Variants in DHTKD1 observed in about 807,000 individuals in gnomAD.
The protein encoded by DHTKD1 is 2-oxoadipate dehydrogenase complex component E1.
In DHTKD1, 78 loss-of-function variants were observed where a neutral mutation model predicts 101.8. The ratio of observed to expected loss-of-function variants is 0.77; its 90% CI spans 0.64 to 0.93. The LOEUF (loss-of-function observed/expected upper bound fraction) is 0.93, where lower values mean the gene tolerates loss of function less well. Ranked by LOEUF, DHTKD1 falls within the 40% of genes least tolerant of loss-of-function variation. DHTKD1 has a pLI of 0.00. For missense variants in DHTKD1, 1,223 were observed against 1,161.7 expected (o/e 1.05, Z -0.77); for synonymous variants, 462 against 450.3 (o/e 1.03, Z -0.33).
Position 12,078,783 on chromosome 10 carries a change from G to A in DHTKD1, c.155-2689G>A, listed in dbSNP as rs540891673. Reference sequence around the variant, plus strand: ...CAATGTCTACTTCCCAGGTTCCAGCGATTCTCCTGCCTCAGCCTCCACAGG... The same window carrying A: ...CAATGTCTACTTCCCAGGTTCCAGCAATTCTCCTGCCTCAGCCTCCACAGG... On this transcript the variant is annotated intron_variant, in intron 1 of 16. Transcript: ENST00000263035. 1.8e-4 allele frequency among the ~76,000 whole-genome samples: 28 copies of A among 152,130 alleles called. No homozygotes were observed. The South Asian group carries it at 3.9e-3, about 21-fold the overall frequency.
intron 13 of DHTKD1, among the ~76,000 whole-genome samples, chr10:12,115,928 A>AT (rs762994821): frequency 0.046 from 6,106 of 133,136 alleles, 463 homozygotes; most frequent in African/African-American, 0.15. Flanking sequence ...ACACCCAGCA[A>AT]TTTTTTTTTT....
intron 10 of DHTKD1, among the ~76,000 whole-genome samples, chr10:12,105,463 G>A (rs1343048029): frequency 1.3e-5 from 2 of 151,998 alleles, no homozygotes; most frequent in South Asian, 2.1e-4. Context: ...CTACAGGCAT[G>A]TGCCACCATG....
chr10:12,110,916 C>T lies in DHTKD1; in HGVS notation c.2155-1984C>T, dbSNP rs1017045591. Among the ~76,000 whole-genome samples, 100 of 151,702 alleles carry T rather than the reference C, an allele frequency of 6.6e-4. No individual in the cohort carries two copies. Among genetic ancestry groups the T allele is most frequent in the African/African-American group, 2.2e-3 (92 of 41,382 alleles). ...AAAATTAGCTGGGTGGGTGGTGGTG[C>T]GTGCCCATAATCCTCACTACTTGGG... On this transcript the variant is annotated intron_variant, in intron 12 of 16. Coordinates refer to ENST00000263035, the MANE Select transcript of DHTKD1 (RefSeq NM_018706.7). The surrounding 1 kb of genome is among the most constrained non-coding windows in gnomAD (Gnocchi z 4.9).
At chr10:12,106,485 C>A in intron 11 of DHTKD1, 89 bp downstream of exon 11, 1 of 1,530,426 alleles carries the variant, frequency 6.5e-7, no homozygotes, top group Non-Finnish European at 9.0e-7. Flanking sequence ...GGGGCCACTG[C>A]TGCCTTGAGA....
At position 12,107,321 on chromosome 10, in the gene DHTKD1, G is replaced by A. The variant is rs756783302; in HGVS notation, c.2048-588G>A. 3.3e-5 allele frequency among the ~76,000 whole-genome samples: 5 copies of A among 151,832 alleles called. No individual in the cohort carries two copies. The highest frequency in any genetic ancestry group is 5.9e-5 in the Non-Finnish European group (4 of 67,948). ...CATTCTTGTAAGAGTGGTGCCTGCG[G>A]TGGTATTGGAGCGGCATGTGCTGTC... On this transcript the variant is annotated intron_variant, in intron 11 of 16. Transcript: ENST00000263035. This position sits in a 1 kb window ranked among gnomAD's most constrained non-coding sequence, Gnocchi z 4.1.
At position 12,094,272 on chromosome 10, in the gene DHTKD1, G is replaced by A. The variant is rs774089978; in HGVS notation, c.1358+1G>A. ...ACCCCATCATGTACAAAATCATCAG[G>A]TACAATTATAAACCCTTGTGTGATA... On this transcript the variant is annotated splice_donor_variant, in intron 7 of 16. Transcript: ENST00000263035. LOFTEE classifies it high-confidence loss of function. 1 of 1,613,490 alleles carries A rather than the reference G, an allele frequency of 6.2e-7. No homozygotes were observed. Among genetic ancestry groups the A allele is most frequent in the Non-Finnish European group, 8.5e-7 (1 of 1,179,558 alleles).
Position 12,112,922 on chromosome 10 carries a change from G to A in DHTKD1, c.2177G>A (p.Gly726Glu). 6.2e-7 allele frequency: 1 copy of A among 1,610,156 alleles called. No individual in the cohort carries two copies. Among genetic ancestry groups the A allele is most frequent in the Non-Finnish European group, 8.5e-7 (1 of 1,178,378 alleles). The change falls in exon 13 of 17, where the codon GGG (glycine) becomes GAG (glutamate). Residue 726 changes from glycine (G) to glutamate (E), a missense_variant. Transcript: ENST00000263035. ...CAGATGTGTGACAGTGCGGAAGAGG[G>A]GGTGGACGGAGACACTGTGAACATG... ...FLQMCDSAEE[G>E]VDGDTVNMFV... is the part of the protein sequence containing the mutation.
chr10:12,072,122 A>G (rs1264518078), intron 1 of DHTKD1, among the ~76,000 whole-genome samples: 2 of 152,146 alleles, frequency 1.3e-5, no homozygotes, highest in African/African-American at 2.4e-5. Flanking sequence ...ATAAATGTCT[A>G]CATAGGATGA....
Position 12,100,214 on chromosome 10 carries a change from G to T in DHTKD1, c.1708G>T (p.Asp570Tyr). The T allele has an allele frequency of 6.3e-7, 1 of 1,596,542 alleles. No individual in the cohort carries two copies. The highest frequency in any genetic ancestry group is 1.1e-5 in the South Asian group (1 of 88,846). ...GAAGATGATGGACGGAATCAAGCTA[G>T]ACTGGGCCACCGCGGAAGCTCTTGC... Reference protein sequence around the residue: ...MEKMMDGIKLDWATAEALALG... With the variant: ...MEKMMDGIKLYWATAEALALG... The change falls in exon 9 of 17, where the codon GAC (aspartate) becomes TAC (tyrosine). Residue 570 changes from aspartate (D) to tyrosine (Y), a missense_variant. Coordinates refer to ENST00000263035, the MANE Select transcript of DHTKD1 (RefSeq NM_018706.7).
intron 1 of DHTKD1, among the ~76,000 whole-genome samples, chr10:12,072,840 G>A (rs1030603273): frequency 6.6e-6 from 1 of 151,772 alleles, no homozygotes; most frequent in Non-Finnish European, 1.5e-5. Context: ...GGGTTCAAGT[G>A]ATTCTCCTGC....
Position 12,110,076 on chromosome 10 carries a change from A to T in DHTKD1, c.2154+2061A>T, listed in dbSNP as rs1588616993. On this transcript the variant is annotated intron_variant, in intron 12 of 16. Transcript: ENST00000263035. The surrounding 1 kb of genome is among the most constrained non-coding windows in gnomAD (Gnocchi z 4.9). ...CACTTTGGGAGGCCGAGGCGGGCGGATCATGAGGTCAGGAGATGAAGACCA... is the reference window on the plus strand; with the variant it reads ...CACTTTGGGAGGCCGAGGCGGGCGGTTCATGAGGTCAGGAGATGAAGACCA... Among the ~76,000 whole-genome samples, 1 of 152,124 alleles carries T rather than the reference A, an allele frequency of 6.6e-6. No individual in the cohort carries two copies. The highest frequency in any genetic ancestry group is 1.5e-5 in the Non-Finnish European group (1 of 68,012).
rs192185342 is a variant in DHTKD1, at chr10:12,099,508, G to C, written c.1672-670G>C. Among the ~76,000 whole-genome samples, 209 of 152,148 alleles carry C rather than the reference G, an allele frequency of 1.4e-3. 1 individual carries two copies. The highest frequency in any genetic ancestry group is 4.7e-3 in the African/African-American group (194 of 41,548). On this transcript the variant is annotated intron_variant, in intron 8 of 16. Coordinates refer to ENST00000263035, the MANE Select transcript of DHTKD1 (RefSeq NM_018706.7). Reference sequence around the variant, plus strand: ...TCAAGACCAGTCTGACCAACATGGCGAAACCCCTTCTCCACTAAAAAGTAC... The same window carrying C: ...TCAAGACCAGTCTGACCAACATGGCCAAACCCCTTCTCCACTAAAAAGTAC...
In DHTKD1 at chr10:12,120,268, GT is replaced by G. The variant is rs1453191182; in HGVS notation, c.2658+2del. 33 of 1,612,596 alleles carry G rather than the reference GT, an allele frequency of 2.0e-5. No homozygotes were observed. Among genetic ancestry groups the G allele is most frequent in the Non-Finnish European group, 2.7e-5 (32 of 1,178,894 alleles). On this transcript the variant is annotated splice_donor_variant, in intron 16 of 16. Coordinates refer to ENST00000263035, the MANE Select transcript of DHTKD1 (RefSeq NM_018706.7). LOFTEE classifies it high-confidence loss of function. ...GTTTGAAAAGCAGCTGGCCTGCAAG[GT>G]AATCACACGTTTTCTCTGGTAGTGT...
intron 6 of DHTKD1, among the ~76,000 whole-genome samples, chr10:12,093,369 G>A (rs936593628): frequency 6.6e-6 from 1 of 152,148 alleles, no homozygotes. Context: ...AATAATTTTT[G>A]TAGAGATTGA....
At position 12,087,521 on chromosome 10, in the gene DHTKD1, A is replaced by T; in HGVS notation, c.523-14A>T. 6.3e-6 allele frequency: 10 copies of T among 1,579,016 alleles called. No individual in the cohort carries two copies. The highest frequency in any genetic ancestry group is 8.6e-6 in the Non-Finnish European group (10 of 1,161,576). ...TGTCTCCTGGCAGCTCACGTCTGAC[A>T]TGATGTTCTGCAGGAGTTTGACCAC... On this transcript the variant is annotated splice_polypyrimidine_tract_variant and intron_variant, in intron 3 of 16. Transcript: ENST00000263035. This position sits in a 1 kb window ranked among gnomAD's most constrained non-coding sequence, Gnocchi z 5.2.
rs1833540472 is a variant in DHTKD1, at chr10:12,122,375, G to C, written c.*1487G>C. On this transcript the variant is annotated 3_prime_UTR_variant, in exon 17 of 17. Transcript: ENST00000263035. ...CTTGCGCCTGTAATCTCAGCACTTT[G>C]GGAGGCTGAGATGGGTGGATCACCT... 6.6e-6 allele frequency: 1 copy of C among 152,192 alleles called. No individual in the cohort carries two copies. The highest frequency in any genetic ancestry group is 1.5e-5 in the Non-Finnish European group (1 of 68,062). 9.4% of individuals were successfully genotyped at this position (152,192 alleles called of 1,614,324 possible).
At chr10:12,071,466 T>C (rs1564386007) in intron 1 of DHTKD1, among the ~76,000 whole-genome samples, 1 of 152,208 alleles carries the variant, frequency 6.6e-6, no homozygotes, top group Non-Finnish European at 1.5e-5. Flanking sequence ...TTTTTAGTTT[T>C]TATTTTTTAA....
At chr10:12,090,995 A>G (rs1003795988) in intron 5 of DHTKD1, among the ~76,000 whole-genome samples, 1 of 152,058 alleles carries the variant, frequency 6.6e-6, no homozygotes, top group African/African-American at 2.4e-5. Context: ...CGGAGCTTGC[A>G]GTGAGCCGAG....
chr10:12,100,311 C>T (rs370855033), intron 9 of DHTKD1, 49 bp downstream of exon 9: 3 of 76,766 alleles, frequency 3.9e-5, no homozygotes, highest in Non-Finnish European at 5.1e-5. Flanking sequence ...TGAGTCTCAC[C>T]CTGTCGCCCA....
Sources: allele counts gnomAD v4.1 joint callset (sites outside exome capture counted in the v4.1 genomes callset), GRCh38; gene constraint gnomAD v4.1.1; non-coding constraint Gnocchi (gnomAD v3.1); transcripts MANE v1.5; gene names NCBI Gene and HGNC (gene_info 2026-07-23, HGNC 2026-07-21).